The following NOC3L variants were observed in gnomAD, a reference collection of about 807,000 sequenced individuals.
The protein encoded by NOC3L is nucleolar complex protein 3 homolog.
Under a neutral mutation model 102.5 loss-of-function variants are expected in NOC3L, and 85 were observed. The observed-to-expected ratio is 0.83, with a 90% CI of 0.70 to 0.99. The LOEUF (loss-of-function observed/expected upper bound fraction) is 0.99. NOC3L is among the 50% of genes least tolerant of loss of function. The pLI is 0.00. For missense variants in NOC3L, 878 were observed against 914.9 expected, an observed-to-expected ratio of 0.96 and a Z score of 0.52; for synonymous variants, 303 against 309.4, an observed-to-expected ratio of 0.98 and a Z score of 0.22.
chr10:94,350,115 A>G lies in NOC3L; in HGVS notation c.1126T>C (p.Leu376=), dbSNP rs1318635253. The G allele has an allele frequency of 1.2e-6, 2 of 1,613,842 alleles. No homozygotes were observed. Among genetic ancestry groups the G allele is most frequent in the African/African-American group, 1.3e-5 (1 of 74,888 alleles). Residue 376 remains leucine, a splice_region_variant and synonymous_variant, in exon 9 of 21, where the codon TTG becomes CTG. Coordinates refer to ENST00000371361, the MANE Select transcript of NOC3L (RefSeq NM_022451.11). ...AATAACCATTTACAGCAACTCACCA[A>G]TTTTGACATGTCATTCATGAGAGGG... ...IVPLMNDMSK[L]ISEMCCEAVK... is the part of the protein sequence containing the mutation.
chr10:94,346,400 AAAC>A, intron 11 of NOC3L, 22 bp downstream of exon 11: 1 of 1,440,080 alleles, frequency 6.9e-7, no homozygotes, highest in South Asian at 1.4e-5. Flanking sequence ...AATTTAAATG[AAAC>A]AAAAGGGGAA....
rs2133985285 is a variant in NOC3L, at chr10:94,338,756, A to G, written c.1963-20T>C. ...GAAAGTCTGCAAAAATGTCACATAA[A>G]AAGAATTGGTTAAATTAACATTGTT... On this transcript the variant is annotated intron_variant, in intron 17 of 20. Coordinates refer to ENST00000371361, the MANE Select transcript of NOC3L (RefSeq NM_022451.11). 1 of 1,605,702 alleles carries G rather than the reference A, an allele frequency of 6.2e-7. No homozygotes were observed. Among genetic ancestry groups the G allele is most frequent in the East Asian group, 2.2e-5 (1 of 44,802 alleles).
the NOC3L span, chr10:94,328,065 G>A: frequency 4.1e-6 from 2 of 486,188 alleles, no homozygotes; most frequent in South Asian, 1.5e-5. Context: ...TTTCTGAACT[G>A]AAGCCTTCAC....
At chr10:94,353,164 T>G in intron 6 of NOC3L, 107 bp from the exon 7 acceptor site, 1 of 871,926 alleles carries the variant, frequency 1.1e-6, no homozygotes, top group Non-Finnish European at 1.8e-6. Context: ...ACACAATGAC[T>G]CCAAGTCTAG....
At chr10:94,337,283 A>T (rs1453465660) in intron 19 of NOC3L, among the ~76,000 whole-genome samples, 1 of 151,400 alleles carries the variant, frequency 6.6e-6, no homozygotes, top group East Asian at 1.9e-4. Context: ...TCTGGATGGC[A>T]GTGTTCCAAA....
the NOC3L span, chr10:94,327,873 C>T: frequency 4.8e-6 from 2 of 415,448 alleles, no homozygotes; most frequent in Non-Finnish European, 1.0e-5. Flanking sequence ...GCCACTAGAG[C>T]TGTGGCTGGA....
chr10:94,354,113 C>G (rs2054454554), intron 6 of NOC3L, among the ~76,000 whole-genome samples: 2 of 152,164 alleles, frequency 1.3e-5, no homozygotes, highest in Non-Finnish European at 2.9e-5. Flanking sequence ...TATTCCAAAT[C>G]TCTCTTCCCT....
the NOC3L span, among the ~76,000 whole-genome samples, chr10:94,322,793 A>T: frequency 6.6e-6 from 1 of 152,018 alleles, no homozygotes; most frequent in African/African-American, 2.4e-5. Flanking sequence ...CTAAAAAAAA[A>T]AAAAGTACAA....
chr10:94,353,466 C>T (rs1228263692), intron 6 of NOC3L, among the ~76,000 whole-genome samples: 1 of 152,120 alleles, frequency 6.6e-6, no homozygotes, highest in Non-Finnish European at 1.5e-5. Flanking sequence ...CTCTTTTAAA[C>T]AACCAGCTCT....
At chr10:94,351,252 C>T (rs1363639479) in intron 8 of NOC3L, among the ~76,000 whole-genome samples, 1 of 144,866 alleles carries the variant, frequency 6.9e-6, no homozygotes, top group East Asian at 2.2e-4. Flanking sequence ...CCCCACTATA[C>T]TCCACTACCT....
chr10:94,321,864 C>T, the NOC3L span: 3 of 1,499,392 alleles, frequency 2.0e-6, no homozygotes, highest in East Asian at 2.3e-5. Context: ...TCTGCATAAA[C>T]CTATTATTTA....
At chr10:94,342,035 G>A (rs185274284) in intron 13 of NOC3L, among the ~76,000 whole-genome samples, 3 of 152,310 alleles carry the variant, frequency 2.0e-5, no homozygotes, top group East Asian at 3.9e-4. Flanking sequence ...ACAACTTCCT[G>A]AGGAAAGTTT....
At chr10:94,337,726 G>A in intron 19 of NOC3L, 51 bp downstream of exon 19, 1 of 1,189,488 alleles carries the variant, frequency 8.4e-7, no homozygotes, top group Non-Finnish European at 1.2e-6. Flanking sequence ...CATAGTAAGT[G>A]GCTATCAGCT....
In NOC3L at chr10:94,334,017, A is replaced by G; in HGVS notation, c.*160T>C. 1 of 471,534 alleles carries G rather than the reference A, an allele frequency of 2.1e-6. No homozygotes were observed. The highest frequency in any genetic ancestry group is 3.7e-6 in the Non-Finnish European group (1 of 267,656). 29.2% of individuals were successfully genotyped at this position (471,534 alleles called of 1,614,324 possible). ...GGAATGACATATTCAGAATAGGGGC[A>G]GAACCCTGTGCCATGCAAAGGGTCA... On this transcript the variant is annotated 3_prime_UTR_variant, in exon 21 of 21. Transcript: ENST00000371361.
chr10:94,345,630 C>A (rs935082594), intron 11 of NOC3L, among the ~76,000 whole-genome samples: 2 of 152,132 alleles, frequency 1.3e-5, no homozygotes, highest in Non-Finnish European at 2.9e-5. Flanking sequence ...ACAGAGCTAT[C>A]CAACCTGCAT....
chr10:94,343,803 A>G (rs2054313084), intron 13 of NOC3L, among the ~76,000 whole-genome samples: 1 of 152,248 alleles, frequency 6.6e-6, no homozygotes, highest in Non-Finnish European at 1.5e-5. Context: ...ATATATAAAA[A>G]TTAATTTCAC....
rs975304109 is a variant in NOC3L, at chr10:94,333,466, G to C, written c.*711C>G. Reference sequence around the variant, plus strand: ...TCAGAATGGTAAAGTCTTGGGCCTGGTTCTTCTACCCTGGAGCAATTCTTC... The same window carrying C: ...TCAGAATGGTAAAGTCTTGGGCCTGCTTCTTCTACCCTGGAGCAATTCTTC... On this transcript the variant is annotated 3_prime_UTR_variant, in exon 21 of 21. Coordinates refer to ENST00000371361, the MANE Select transcript of NOC3L (RefSeq NM_022451.11). The C allele has an allele frequency of 1.3e-5, 2 of 152,140 alleles. No individual in the cohort carries two copies. The highest frequency in any genetic ancestry group is 2.9e-5 in the Non-Finnish European group (2 of 68,026). The allele number at this position is 152,140 out of a possible 1,614,324, so 9.4% of individuals were successfully genotyped here.
the NOC3L span, among the ~76,000 whole-genome samples, chr10:94,316,037 C>A: frequency 1.3e-5 from 2 of 152,080 alleles, no homozygotes; most frequent in African/African-American, 4.8e-5. Flanking sequence ...ACAGGGTCAG[C>A]AGCCAACAAA....
chr10:94,347,860 C>T (rs1186547908), intron 10 of NOC3L, among the ~76,000 whole-genome samples: 1 of 151,894 alleles, frequency 6.6e-6, no homozygotes, highest in Non-Finnish European at 1.5e-5. Context: ...CGATTCTAAT[C>T]AGATTCTCTG....
Sources: gnomAD v4.1 joint callset for allele counts (sites outside exome capture counted in the v4.1 genomes callset) on GRCh38, gnomAD v4.1.1 for gene constraint, MANE v1.5 for transcripts, NCBI Gene and HGNC (gene_info 2026-07-23, HGNC 2026-07-21) for gene names.